The following ETV3 variants were observed in gnomAD, a reference collection of about 807,000 sequenced individuals.
ETV3 encodes the protein ETS variant transcription factor 3, also known as ETS translocation variant 3.
In ETV3, 8 loss-of-function variants were observed where a neutral mutation model predicts 33.0. The observed-to-expected ratio is 0.24, with a 90% CI of 0.14 to 0.44. The LOEUF (loss-of-function observed/expected upper bound fraction) is 0.44. ETV3 is among the 20% of genes least tolerant of loss of function. The probability of loss-of-function intolerance (pLI) is 1.00; values close to 1 mark genes in which losing one functional copy is unlikely to be tolerated. For synonymous variants in ETV3, 222 were observed against 238.9 expected (o/e 0.93, Z 0.65); for missense variants, 473 against 652.3 (o/e 0.73, Z 2.99).
chr1:157,133,691 A>G (rs1675026357), intron 4 of ETV3: 1 of 994,006 alleles, frequency 1.0e-6, no homozygotes, highest in South Asian at 4.6e-5. Flanking sequence ...GATGATATTC[A>G]CTTGATAAGG....
intron 4 of ETV3, among the ~76,000 whole-genome samples, chr1:157,129,848 T>C (rs958786349): frequency 6.6e-6 from 1 of 152,092 alleles, no homozygotes; most frequent in African/African-American, 2.4e-5. Context: ...TCTAGTTTTG[T>C]TTTGTTTTTT....
intron 4 of ETV3, 42 bp downstream of exon 4, chr1:157,134,070 C>T: frequency 6.3e-7 from 1 of 1,589,326 alleles, no homozygotes; most frequent in African/African-American, 1.4e-5. Context: ...AAATTCTTTT[C>T]AATTCAAAAT....
Position 157,125,446 on chromosome 1 carries a change from A to G in ETV3, c.934T>C (p.Tyr312His). The change falls in exon 5 of 5, where the codon TAC becomes CAC. Residue 312 changes from tyrosine to histidine, a missense_variant. Tyr to His is a moderately conservative substitution (Grantham distance 83). Coordinates refer to ENST00000368192, the MANE Select transcript of ETV3 (RefSeq NM_001145312.3). The surrounding 1 kb of genome is among the most constrained non-coding windows in gnomAD (Gnocchi z 4.0). ...LHSQACSVFN[Y>H]HLSPRTFPRY... ...GGAAAAGTCCGAGGACTCAGATGGT[A>G]GTTGAACACAGAACAAGCTTGAGAA... 6.4e-7 allele frequency: 1 copy of G among 1,552,346 alleles called. No homozygotes were observed. Among genetic ancestry groups the G allele is most frequent in the Non-Finnish European group, 8.7e-7 (1 of 1,147,140 alleles).
rs780265783 is a variant in ETV3 at position 157,125,441 on chromosome 1, A to G, written c.939T>C (p.His313=). The G allele has an allele frequency of 1.1e-5, 17 of 1,552,172 alleles. No individual in the cohort carries two copies. The highest frequency in any genetic ancestry group is 1.4e-5 in the Non-Finnish European group (16 of 1,147,132). Residue 313 remains histidine (H), a synonymous_variant, in exon 5 of 5, where the codon CAT becomes CAC. Transcript: ENST00000368192. The surrounding 1 kb of genome is among the most constrained non-coding windows in gnomAD (Gnocchi z 4.0). ...HSQACSVFNY[H]LSPRTFPRYP... The stretch of plus-strand genomic sequence containing the variant: ...AACGGGGAAAAGTCCGAGGACTCAG[A>G]TGGTAGTTGAACACAGAACAAGCTT...
intron 4 of ETV3, among the ~76,000 whole-genome samples, chr1:157,127,536 T>C (rs539453897): frequency 2.6e-5 from 4 of 151,624 alleles, no homozygotes; most frequent in Admixed American, 6.6e-5. Flanking sequence ...GTGCTACTTA[T>C]GTCAACTTTT....
chr1:157,134,449 A>G (rs1675045979), intron 3 of ETV3, among the ~76,000 whole-genome samples: 1 of 152,236 alleles, frequency 6.6e-6, no homozygotes, highest in Non-Finnish European at 1.5e-5. Flanking sequence ...AGGTTTACAA[A>G]GACAACTTCA....
At chr1:157,132,962 C>T (rs1225089213) in intron 4 of ETV3, among the ~76,000 whole-genome samples, 1 of 152,196 alleles carries the variant, frequency 6.6e-6, no homozygotes, top group Non-Finnish European at 1.5e-5. Flanking sequence ...AGTTGTATTA[C>T]TGCATGATCA....
rs1396427339 is a variant in ETV3, at chr1:157,128,409, C to T, written c.401-2430G>A. 2.5e-5 allele frequency: 7 copies of T among 283,412 alleles called. No homozygotes were observed. The East Asian group carries it at 6.5e-4, about 26-fold the overall frequency. 17.6% of individuals were successfully genotyped at this position (283,412 alleles called of 1,614,324 possible). A position where few individuals can be genotyped will look rare whatever the true frequency, so the allele number is the denominator to read the frequency against. On this transcript the variant is annotated intron_variant, in intron 4 of 4. Transcript: ENST00000368192. ...AGAAGATTTGTGTTCAGAAGTGTGC[C>T]CAGTGCCACACTGTGGAAAAGGGAG... is the stretch of plus-strand genomic sequence containing the variant.
chr1:157,126,732 G>A (rs945296097), intron 4 of ETV3, among the ~76,000 whole-genome samples: 1 of 151,270 alleles, frequency 6.6e-6, no homozygotes, highest in South Asian at 2.1e-4. Flanking sequence ...GAGGGGCAGA[G>A]CTGCCCTGGC....
chr1:157,133,531 A>G, intron 4 of ETV3: 2 of 985,940 alleles, frequency 2.0e-6, no homozygotes, highest in Non-Finnish European at 2.4e-6. Context: ...GAAAGTCAAG[A>G]GGGGAAGCCC....
chr1:157,124,974 A>G lies in ETV3; in HGVS notation c.1406T>C (p.Leu469Pro). Residue 469 changes from leucine to proline, a missense_variant, in exon 5 of 5, where the codon CTG becomes CCG. Coordinates refer to ENST00000368192, the MANE Select transcript of ETV3 (RefSeq NM_001145312.3). ...PSAPEKKEDA[L>P]MPPKLRLKRR... The stretch of plus-strand genomic sequence containing the variant: ...CTTCAACCGAAGCTTGGGGGGCATC[A>G]GTGCATCTTCTTTCTTCTCAGGTGC... 6.4e-7 allele frequency: 1 copy of G among 1,551,866 alleles called. No individual in the cohort carries two copies. The highest frequency in any genetic ancestry group is 8.7e-7 in the Non-Finnish European group (1 of 1,147,046).
intron 4 of ETV3, chr1:157,128,464 G>T: frequency 3.2e-6 from 1 of 315,432 alleles, no homozygotes; most frequent in Non-Finnish European, 6.4e-6. Flanking sequence ...TAATCTCCAT[G>T]TCTCTTTGGG....
rs763695411 is a variant in ETV3, at chr1:157,124,945, G to A, written c.1435C>T (p.Arg479Cys). The A allele has an allele frequency of 5.8e-6, 9 of 1,551,620 alleles. No homozygotes were observed. Among genetic ancestry groups the A allele is most frequent in the East Asian group, 2.4e-5 (1 of 40,926 alleles). Residue 479 changes from arginine to cysteine, a missense_variant, in exon 5 of 5, where the codon CGC becomes TGC. Arg to Cys is a radical substitution (Grantham distance 180). Around this residue, in one of 3 missense-constraint regions of ETV3, gnomAD observed 410 missense variants for 520.2 expected, o/e 0.79. Transcript: ENST00000368192. Reference sequence around the variant, plus strand: ...CGGGCTTCAGGGTCATCATTCCAGCGCCGCTTCAACCGAAGCTTGGGGGGC... The same window carrying A: ...CGGGCTTCAGGGTCATCATTCCAGCACCGCTTCAACCGAAGCTTGGGGGGC... ...LMPPKLRLKRRWNDDPEAREL... is the reference protein window; with the variant it reads ...LMPPKLRLKRCWNDDPEAREL...
chr1:157,137,339 T>G (rs1675138816), intron 1 of ETV3, among the ~76,000 whole-genome samples: 1 of 152,000 alleles, frequency 6.6e-6, no homozygotes, highest in Non-Finnish European at 1.5e-5. Flanking sequence ...GGCCCCCGCG[T>G]AGGGACAAAT....
rs1674826896 is a variant in ETV3 at position 157,125,940 on chromosome 1, G to A, written c.440C>T (p.Ser147Phe). The A allele has an allele frequency of 6.4e-7, 1 of 1,551,550 alleles. No individual in the cohort carries two copies. Among genetic ancestry groups the A allele is most frequent in the Non-Finnish European group, 8.7e-7 (1 of 1,146,934 alleles). The change falls in exon 5 of 5, where the codon TCT becomes TTT. Residue 147 changes from serine (S) to phenylalanine (F), a missense_variant. Coordinates refer to ENST00000368192, the MANE Select transcript of ETV3 (RefSeq NM_001145312.3). The surrounding 1 kb of genome is among the most constrained non-coding windows in gnomAD (Gnocchi z 4.0). ...PQSAPPVPTA[S>F]SRFHFPPLDT... Reference sequence around the variant, plus strand: ...CAGAGGTGGGAAATGGAACCGGGAAGAGGCTGTTGGCACTGGTGGTGCACT... The same window carrying A: ...CAGAGGTGGGAAATGGAACCGGGAAAAGGCTGTTGGCACTGGTGGTGCACT...
In ETV3 at chr1:157,122,931, C is replaced by T. The variant is rs768261493; in HGVS notation, c.*1910G>A. ...ATCAAACATGGGGGAGGACACCTGCCAAGCAATAGTATGATGGACTCAAGT... is the reference window on the plus strand; with the variant it reads ...ATCAAACATGGGGGAGGACACCTGCTAAGCAATAGTATGATGGACTCAAGT... On this transcript the variant is annotated 3_prime_UTR_variant, in exon 5 of 5. Transcript: ENST00000368192. 1.3e-5 allele frequency: 2 copies of T among 152,178 alleles called. No individual in the cohort carries two copies. The highest frequency in any genetic ancestry group is 2.9e-5 in the Non-Finnish European group (2 of 68,078). The allele number at this position is 152,178 out of a possible 1,614,324, so 9.4% of individuals were successfully genotyped here.
rs1558027732 is a variant in ETV3 at position 157,122,563 on chromosome 1, G to A, written c.*2278C>T. Reference sequence around the variant, plus strand: ...AGGAATTCTGGCACTTGGGTTCTAGGGGGTTACAGGTATGCATCATGGATT... The same window carrying A: ...AGGAATTCTGGCACTTGGGTTCTAGAGGGTTACAGGTATGCATCATGGATT... On this transcript the variant is annotated 3_prime_UTR_variant, in exon 5 of 5. Transcript: ENST00000368192. 1 of 151,908 alleles carries A rather than the reference G, an allele frequency of 6.6e-6. No homozygotes were observed. Among genetic ancestry groups the A allele is most frequent in the Non-Finnish European group, 1.5e-5 (1 of 67,994 alleles). The allele number at this position is 151,908 out of a possible 1,614,324, so 9.4% of individuals were successfully genotyped here.
At chr1:157,126,307 G>A (rs771865022) in intron 4 of ETV3, among the ~76,000 whole-genome samples, 1 of 152,150 alleles carries the variant, frequency 6.6e-6, no homozygotes, top group Non-Finnish European at 1.5e-5. Flanking sequence ...AGGGCTTAAC[G>A]GTTGTGTACT....
rs1674720233 is a variant in ETV3, at chr1:157,122,061, A to G, written c.*2780T>C. 1 of 152,356 alleles carries G rather than the reference A, an allele frequency of 6.6e-6. No homozygotes were observed. The highest frequency in any genetic ancestry group is 1.9e-4 in the East Asian group (1 of 5,192). The allele number at this position is 152,356 out of a possible 1,614,324, so 9.4% of individuals were successfully genotyped here. On this transcript the variant is annotated 3_prime_UTR_variant, in exon 5 of 5. Coordinates refer to ENST00000368192, the MANE Select transcript of ETV3 (RefSeq NM_001145312.3). ...AAATTTCAATAGATTCATATTTATA[A>G]AATTTTAAACATTTGGCACAGCAAA...
Sources: allele counts gnomAD v4.1 joint callset (sites outside exome capture counted in the v4.1 genomes callset), GRCh38; gene constraint gnomAD v4.1.1; regional missense constraint gnomAD v4.1.1; non-coding constraint Gnocchi (gnomAD v3.1); transcripts MANE v1.5; gene names NCBI Gene and HGNC (gene_info 2026-07-23, HGNC 2026-07-21).